The following NOMO1 variants were observed in gnomAD, a reference collection of about 807,000 sequenced individuals.
NOMO1 encodes NODAL modulator 1, also known as nodal modulator 3.
In NOMO1, 40 loss-of-function variants were observed where a neutral mutation model predicts 133.8. The observed-to-expected ratio is 0.30, with a 90% CI of 0.23 to 0.39. NOMO1 has a LOEUF of 0.39. Ranked by LOEUF, NOMO1 falls within the 10% of genes least tolerant of loss-of-function variation. The probability of loss-of-function intolerance (pLI) is 1.00; values close to 1 mark genes in which losing one functional copy is unlikely to be tolerated. For synonymous variants in NOMO1, 236 were observed against 570.5 expected (o/e 0.41, Z 8.36); for missense variants, 462 against 1,419.9 (o/e 0.33, Z 10.84).
intron 1 of NOMO1, among the ~76,000 whole-genome samples, chr16:14,835,921 A>G (rs1963499862): frequency 6.6e-6 from 1 of 151,976 alleles, no homozygotes; most frequent in Non-Finnish European, 1.5e-5. Flanking sequence ...CAGTGTGGAT[A>G]TAGCAGTACA....
intron 1 of NOMO1, among the ~76,000 whole-genome samples, chr16:14,836,733 C>T (rs1464224056): frequency 5.9e-5 from 8 of 134,908 alleles, no homozygotes; most frequent in Non-Finnish European, 3.1e-5. Context: ...GAGTCTCGCT[C>T]TGTCGCCCAG....
intron 29 of NOMO1, 30 bp downstream of exon 29, chr16:14,889,245 C>T (rs1231598550): frequency 6.2e-7 from 1 of 1,611,640 alleles, no homozygotes. Context: ...AAAAAAAAAC[C>T]CATGGGCTGG....
In NOMO1 at chr16:14,886,824, C is replaced by T. The variant is rs986389337; in HGVS notation, c.3286C>T (p.Leu1096=). Residue 1096 remains leucine (L), a synonymous_variant, in exon 28 of 31, where the codon CTG becomes TTG. Coordinates refer to ENST00000287667, the MANE Select transcript of NOMO1 (RefSeq NM_014287.4). ...CCAGACAGTTTCCCTTGGCCAGTCC[C>T]TGTTCTTCCATTTCCCCCCACTGCT... ...PIQTVSLGQS[L]FFHFPPLLRD... 1.2e-6 allele frequency: 2 copies of T among 1,611,752 alleles called. No homozygotes were observed. Among genetic ancestry groups the T allele is most frequent in the Admixed American group, 3.3e-5 (2 of 60,006 alleles).
chr16:14,883,595 G>A (rs1011545101), intron 26 of NOMO1, among the ~76,000 whole-genome samples: 5 of 151,760 alleles, frequency 3.3e-5, no homozygotes, highest in Non-Finnish European at 7.4e-5. Flanking sequence ...GCCTCCCAAA[G>A]TGCTGGGATT....
chr16:14,864,677 G>A lies in NOMO1; in HGVS notation c.1488G>A (p.Val496=). 1.2e-6 allele frequency: 2 copies of A among 1,613,018 alleles called. No individual in the cohort carries two copies. Among genetic ancestry groups the A allele is most frequent in the Non-Finnish European group, 1.7e-6 (2 of 1,179,688 alleles). Residue 496 remains valine (V), a synonymous_variant, in exon 13 of 31, where the codon GTG becomes GTA. Transcript: ENST00000287667. ...LTVTNRPMMD[V]AFVQFLASVS... ...TGACCAACAGGCCCATGATGGATGTGGCCTTTGTACAGTTCTTGGCATCAG... is the reference window on the plus strand; with the variant it reads ...TGACCAACAGGCCCATGATGGATGTAGCCTTTGTACAGTTCTTGGCATCAG...
intron 3 of NOMO1, among the ~76,000 whole-genome samples, chr16:14,841,844 G>C (rs1293283129): frequency 6.6e-6 from 1 of 151,504 alleles, no homozygotes; most frequent in African/African-American, 2.4e-5. Context: ...CATGAGATGA[G>C]AAGACTGTCA....
intron 14 of NOMO1, 81 bp from the exon 15 acceptor site, chr16:14,866,474 C>A (rs1963996678): frequency 1.2e-6 from 2 of 1,609,118 alleles, no homozygotes; most frequent in Non-Finnish European, 1.7e-6. Context: ...TTGATTAATT[C>A]ATGATCATTG....
At chr16:14,844,245 AC>A (rs1963647657) in intron 3 of NOMO1, among the ~76,000 whole-genome samples, 1 of 151,710 alleles carries the variant, frequency 6.6e-6, no homozygotes, top group Admixed American at 6.6e-5. Context: ...GCCTTAATTT[AC>A]CCCTCAGTAA....
chr16:14,848,103 C>T (rs1205098574), intron 5 of NOMO1, among the ~76,000 whole-genome samples: 3 of 152,064 alleles, frequency 2.0e-5, no homozygotes. Context: ...CCAGTTATTG[C>T]AGGCAAGATT....
chr16:14,883,898 T>G (rs1412927748), intron 26 of NOMO1, among the ~76,000 whole-genome samples: 1 of 151,500 alleles, frequency 6.6e-6, no homozygotes, highest in Non-Finnish European at 1.5e-5. Context: ...CTCCTTTTTT[T>G]TTTAAGAGAA....
chr16:14,873,744 A>C (rs1964111806), intron 18 of NOMO1, among the ~76,000 whole-genome samples: 1 of 151,560 alleles, frequency 6.6e-6, no homozygotes, highest in African/African-American at 2.4e-5. Context: ...CTTGTGCCGG[A>C]GGTTGTATGG....
intron 22 of NOMO1, among the ~76,000 whole-genome samples, chr16:14,877,303 G>C (rs1167740920): frequency 5.7e-5 from 8 of 139,634 alleles, no homozygotes; most frequent in African/African-American, 2.1e-4. Context: ...TTCTTACTGA[G>C]GCGTTTGCTG....
chr16:14,841,732 G>C (rs1416027969), intron 3 of NOMO1, among the ~76,000 whole-genome samples: 1 of 151,796 alleles, frequency 6.6e-6, no homozygotes, highest in Non-Finnish European at 1.5e-5. Context: ...CCCGTCCCAG[G>C]ATGGCTTCTT....
At chr16:14,874,791 A>G (rs1349028104) in intron 18 of NOMO1, among the ~76,000 whole-genome samples, 3 of 151,962 alleles carry the variant, frequency 2.0e-5, no homozygotes, top group East Asian at 1.9e-4. Context: ...GCTTATATCC[A>G]GTCGCCATAA....
rs759559985 is a variant in NOMO1, at chr16:14,857,651, A to G, written c.1216A>G (p.Thr406Ala). ...NTPQLADIIA[T>A]GFSVCGQISI... is the part of the protein sequence containing the mutation. ...ACCTCAGCTGGCTGACATTATTGCA[A>G]CAGGGTAAGCTTATCGTGTGGATTT... The change falls in exon 11 of 31, where the codon ACA (threonine) becomes GCA (alanine). Residue 406 changes from threonine (T) to alanine (A), a missense_variant. Thr to Ala is a moderately conservative substitution (Grantham distance 58). Transcript: ENST00000287667. 5.6e-6 allele frequency: 9 copies of G among 1,613,752 alleles called. No individual in the cohort carries two copies. In the South Asian group the frequency reaches 7.7e-5, roughly 14 times the overall value.
At chr16:14,866,891 T>G (rs935183788) in intron 15 of NOMO1, among the ~76,000 whole-genome samples, 200 bp downstream of exon 15, 1 of 149,536 alleles carries the variant, frequency 6.7e-6, no homozygotes, top group African/African-American at 2.5e-5. Context: ...ATTTAGGAGG[T>G]TTCCTTGTCC....
At chr16:14,879,058 A>T (rs2301203) in intron 23 of NOMO1, among the ~76,000 whole-genome samples, 1 of 135,874 alleles carries the variant, frequency 7.4e-6, no homozygotes, top group African/African-American at 2.8e-5. Flanking sequence ...CTGATCACCC[A>T]CTTGTCACTA....
chr16:14,860,022 C>T (rs1444009159), intron 11 of NOMO1, among the ~76,000 whole-genome samples: 1 of 151,956 alleles, frequency 6.6e-6, no homozygotes, highest in African/African-American at 2.4e-5. Context: ...GGCCTTGTAG[C>T]CTTGCTTTGG....
rs144600894 is a variant in NOMO1, at chr16:14,895,529, C to A, written c.3553C>A (p.Leu1185Met). The change falls in exon 31 of 31, where the codon CTG becomes ATG. Residue 1185 changes from leucine (L) to methionine (M), a missense_variant. By Grantham distance (15) the Leu-to-Met change is conservative. Coordinates refer to ENST00000287667, the MANE Select transcript of NOMO1 (RefSeq NM_014287.4). ...TCTTTTCTAGCTCATTCCTTTGCTGCTGCAGTTGACAAGCCGGCTACAGGG... is the reference window on the plus strand; with the variant it reads ...TCTTTTCTAGCTCATTCCTTTGCTGATGCAGTTGACAAGCCGGCTACAGGG... The part of the protein sequence containing the change: ...YNHDKLIPLL[L>M]QLTSRLQGVR... 1,271 of 1,611,798 alleles carry A rather than the reference C, an allele frequency of 7.9e-4. 5 individuals carry two copies. Among genetic ancestry groups the A allele is most frequent in the Non-Finnish European group, 1.0e-3 (1,175 of 1,179,830 alleles).
Sources: allele counts gnomAD v4.1 joint callset (sites outside exome capture counted in the v4.1 genomes callset), GRCh38; gene constraint gnomAD v4.1.1; transcripts MANE v1.5; gene names NCBI Gene and HGNC (gene_info 2026-07-23, HGNC 2026-07-21).